The following PDZRN4 variants were observed in gnomAD, a reference collection of about 807,000 sequenced individuals.
PDZRN4 encodes PDZ domain containing ring finger 4.
In PDZRN4, 70 loss-of-function variants were observed where a neutral mutation model predicts 99.0. The observed-to-expected ratio is 0.71, with a 90% CI of 0.58 to 0.86. The LOEUF is 0.86. Among genes scored for constraint, PDZRN4 ranks in the 40% least tolerant of loss-of-function variants. The pLI is 0.00. For synonymous variants in PDZRN4, 551 were observed against 501.6 expected (o/e 1.10, Z -1.32); for missense variants, 1,474 against 1,331.2 (o/e 1.11, Z -1.67).
chr12:41,393,578 G>A (rs964207522), intron 3 of PDZRN4, among the ~76,000 whole-genome samples: 9 of 151,994 alleles, frequency 5.9e-5, no homozygotes, highest in Non-Finnish European at 8.8e-5. Context: ...AATTAAAATG[G>A]TAACTGTTCT....
At chr12:41,349,030 G>A (rs532618120) in intron 3 of PDZRN4, among the ~76,000 whole-genome samples, 52 of 151,852 alleles carry the variant, frequency 3.4e-4, no homozygotes, top group African/African-American at 1.2e-3. Context: ...TTGTTAAAAT[G>A]TTATTTATGT....
intron 3 of PDZRN4, among the ~76,000 whole-genome samples, chr12:41,323,639 A>G (rs1460202019): frequency 6.6e-6 from 1 of 151,964 alleles, no homozygotes; most frequent in Non-Finnish European, 1.5e-5. Flanking sequence ...ATGCTTTAAA[A>G]CAGTCATAAA....
At position 41,444,617 on chromosome 12, in the gene PDZRN4, C is replaced by A. The variant is rs572971820; in HGVS notation, c.844-61839C>A. 2.0e-5 allele frequency among the ~76,000 whole-genome samples: 3 copies of A among 152,188 alleles called. No homozygotes were observed. In the East Asian group the frequency reaches 5.8e-4, roughly 29 times the overall value. On this transcript the variant is annotated intron_variant, in intron 3 of 9. Transcript: ENST00000402685. ...AAAAGTGTTGGATTGAAAGAAGAGACTGAACTTTCAAAAACTTTAGATATG... is the reference window on the plus strand; with the variant it reads ...AAAAGTGTTGGATTGAAAGAAGAGAATGAACTTTCAAAAACTTTAGATATG...
intron 3 of PDZRN4, among the ~76,000 whole-genome samples, chr12:41,270,691 A>G (rs1289908610): frequency 6.6e-6 from 1 of 152,116 alleles, no homozygotes; most frequent in African/African-American, 2.4e-5. Flanking sequence ...ATTTCTTGAT[A>G]TTTTTATATC....
intron 3 of PDZRN4, among the ~76,000 whole-genome samples, chr12:41,488,065 T>C (rs1019656989): frequency 2.6e-5 from 4 of 152,156 alleles, no homozygotes; most frequent in Admixed American, 2.6e-4. Flanking sequence ...CACCAAATAG[T>C]CAAGTACTAT....
Position 41,509,899 on chromosome 12 carries a change from G to GA in PDZRN4, c.1190dup (p.Asp397GlufsTer3). On this transcript the variant is annotated frameshift_variant, in exon 5 of 10. Transcript: ENST00000402685. LOFTEE classifies it high-confidence loss of function. ...GCCTGCTGATGCAGACAGAACAGAA[G>GA]ACTTTGAATATGAGGTAAGGTCATT... 1 of 1,557,744 alleles carries GA rather than the reference G, an allele frequency of 6.4e-7. No individual in the cohort carries two copies. Among genetic ancestry groups the GA allele is most frequent in the Non-Finnish European group, 8.8e-7 (1 of 1,134,244 alleles).
At chr12:41,376,589 T>C (rs1040193201) in intron 3 of PDZRN4, among the ~76,000 whole-genome samples, 1 of 152,202 alleles carries the variant, frequency 6.6e-6, no homozygotes, top group Non-Finnish European at 1.5e-5. Flanking sequence ...TTGCTTTTAT[T>C]CTATTGAGTT....
chr12:41,268,946 A>G (rs989400164), intron 3 of PDZRN4, among the ~76,000 whole-genome samples: 12 of 152,342 alleles, frequency 7.9e-5, no homozygotes, highest in African/African-American at 2.6e-4. Context: ...TCAACTGGAT[A>G]ATACAATTCT....
At chr12:41,414,336 C>G (rs1348130056) in intron 3 of PDZRN4, among the ~76,000 whole-genome samples, 1 of 152,050 alleles carries the variant, frequency 6.6e-6, no homozygotes, top group Non-Finnish European at 1.5e-5. Flanking sequence ...CTCTGGATTT[C>G]TTGCATCTGG....
intron 3 of PDZRN4, among the ~76,000 whole-genome samples, chr12:41,350,381 G>C (rs1951881508): frequency 6.6e-6 from 1 of 152,082 alleles, no homozygotes. Flanking sequence ...GTTAACAACT[G>C]TTTGTAATTA....
chr12:41,325,984 CT>C (rs1021372665), intron 3 of PDZRN4, among the ~76,000 whole-genome samples: 1 of 151,192 alleles, frequency 6.6e-6, no homozygotes, highest in Non-Finnish European at 1.5e-5. Flanking sequence ...TTTCTCTTCT[CT>C]TTTTTTTTCT....
intron 3 of PDZRN4, among the ~76,000 whole-genome samples, chr12:41,216,459 G>A (rs1393913425): frequency 6.6e-6 from 1 of 151,882 alleles, no homozygotes; most frequent in Non-Finnish European, 1.5e-5. Flanking sequence ...CAAAGAGTTT[G>A]ACTTGAATAT....
At chr12:41,494,825 G>A (rs1298099600) in intron 3 of PDZRN4, among the ~76,000 whole-genome samples, 7 of 152,052 alleles carry the variant, frequency 4.6e-5, no homozygotes, top group Non-Finnish European at 5.9e-5. Context: ...CATTCAAATG[G>A]CAGAATTGAT....
intron 3 of PDZRN4, among the ~76,000 whole-genome samples, chr12:41,455,538 G>A (rs1039712699): frequency 1.3e-5 from 2 of 152,076 alleles, no homozygotes; most frequent in Non-Finnish European, 1.5e-5. Context: ...TTCAACTATT[G>A]CAGCAAAAAT....
intron 4 of PDZRN4, among the ~76,000 whole-genome samples, chr12:41,507,433 G>A (rs1938227410): frequency 6.6e-6 from 1 of 152,072 alleles, no homozygotes; most frequent in Non-Finnish European, 1.5e-5. Flanking sequence ...AACATTGAGA[G>A]TTTGTAAGAG....
At chr12:41,211,650 A>G (rs182914610) in intron 3 of PDZRN4, among the ~76,000 whole-genome samples, 122 of 152,094 alleles carry the variant, frequency 8.0e-4, no homozygotes, top group Non-Finnish European at 1.4e-3. Context: ...CCATCTGTAG[A>G]TACACTCTGC....
At chr12:41,498,635 T>G (rs1180611877) in intron 3 of PDZRN4, among the ~76,000 whole-genome samples, 1 of 152,130 alleles carries the variant, frequency 6.6e-6, no homozygotes, top group Non-Finnish European at 1.5e-5. Context: ...CTGAACGTTT[T>G]CATATCTCAA....
At chr12:41,473,531 C>A (rs1953012772) in intron 3 of PDZRN4, 1 of 152,228 alleles carries the variant, frequency 6.6e-6, no homozygotes, top group South Asian at 2.1e-4. Context: ...CCCAAGAACA[C>A]TTCTGAGTGT....
At chr12:41,285,914 T>G (rs1951419287) in intron 3 of PDZRN4, among the ~76,000 whole-genome samples, 1 of 151,950 alleles carries the variant, frequency 6.6e-6, no homozygotes, top group African/African-American at 2.4e-5. Flanking sequence ...GACGGGTTGT[T>G]GGGTGCAGCA....
Sources: gnomAD v4.1 joint callset for allele counts (sites outside exome capture counted in the v4.1 genomes callset) on GRCh38, gnomAD v4.1.1 for gene constraint, MANE v1.5 for transcripts, NCBI Gene and HGNC (gene_info 2026-07-23, HGNC 2026-07-21) for gene names.